CEP170: variants seen among roughly 807,000 people sequenced by gnomAD.
CEP170 encodes centrosomal protein 170, also known as centrosomal protein of 170 kDa.
Under a neutral mutation model 151.9 loss-of-function variants are expected in CEP170, and 21 were observed. The ratio of observed to expected loss-of-function variants is 0.14; its 90% CI spans 0.10 to 0.20. The LOEUF is 0.20. Among genes scored for constraint, CEP170 ranks in the 10% least tolerant of loss-of-function variants. The probability of loss-of-function intolerance (pLI) is 1.00; values close to 1 mark genes in which losing one functional copy is unlikely to be tolerated. For synonymous variants in CEP170, 356 were observed against 648.8 expected, an observed-to-expected ratio of 0.55 and a Z score of 6.86; for missense variants, 964 against 1,892.9, an observed-to-expected ratio of 0.51 and a Z score of 9.11.
intron 14 of CEP170, among the ~76,000 whole-genome samples, chr1:243,146,728 G>A (rs1392755080): frequency 4.6e-5 from 7 of 151,434 alleles, no homozygotes. Context: ...AATTCTCATT[G>A]CTTATACAAT....
At chr1:243,204,792 T>C (rs1171986576) in intron 4 of CEP170, among the ~76,000 whole-genome samples, 2 of 152,142 alleles carry the variant, frequency 1.3e-5, no homozygotes, top group Non-Finnish European at 2.9e-5. Context: ...AATCCCCACA[T>C]TCATATCTTT....
intron 13 of CEP170, among the ~76,000 whole-genome samples, chr1:243,159,977 C>T (rs3015159): frequency 5.9e-5 from 9 of 152,026 alleles, no homozygotes; most frequent in South Asian, 2.1e-4. Context: ...TTAGTAGAGA[C>T]GGAGTTTCAC....
At chr1:243,134,410 A>C (rs993029485) in intron 17 of CEP170, among the ~76,000 whole-genome samples, 21 of 152,306 alleles carry the variant, frequency 1.4e-4, no homozygotes, top group African/African-American at 4.3e-4. Context: ...AAAACAATGG[A>C]TAGGTACGTA....
At chr1:243,226,276 TAAA>T (rs1553395943) in intron 1 of CEP170, among the ~76,000 whole-genome samples, 1 of 149,974 alleles carries the variant, frequency 6.7e-6, no homozygotes, top group Non-Finnish European at 1.5e-5. Flanking sequence ...GTTTACATAT[TAAA>T]ATGAAACTGG....
chr1:243,171,332 A>G (rs915401813), intron 11 of CEP170, among the ~76,000 whole-genome samples: 4 of 152,168 alleles, frequency 2.6e-5, no homozygotes, highest in African/African-American at 4.8e-5. Context: ...CCATATAAAG[A>G]AACAATTTTA....
chr1:243,145,377 T>G (rs1186394840), intron 14 of CEP170, among the ~76,000 whole-genome samples: 20 of 151,832 alleles, frequency 1.3e-4, no homozygotes, highest in African/African-American at 4.9e-4. Flanking sequence ...TGGATTCAAG[T>G]GATTCTCCTG....
chr1:243,156,188 T>C (rs1183011368), intron 14 of CEP170, 33 bp downstream of exon 14: 11 of 1,553,642 alleles, frequency 7.1e-6, no homozygotes, highest in East Asian at 7.1e-5. Flanking sequence ...CATAGAAATT[T>C]TGAATTCTTA....
At chr1:243,155,544 A>G (rs1336428705) in intron 14 of CEP170, among the ~76,000 whole-genome samples, 2 of 152,124 alleles carry the variant, frequency 1.3e-5, no homozygotes, top group African/African-American at 4.8e-5. Context: ...TTAAACAAAA[A>G]ATCCTTATAT....
intron 4 of CEP170, among the ~76,000 whole-genome samples, chr1:243,206,268 G>C (rs915578534): frequency 3.6e-4 from 54 of 152,048 alleles, no homozygotes; most frequent in Non-Finnish European, 1.2e-4. Context: ...GGAGTAGCTG[G>C]GATTACAGGT....
chr1:243,251,648 T>C (rs1235939842), intron 1 of CEP170, among the ~76,000 whole-genome samples: 9 of 152,198 alleles, frequency 5.9e-5, no homozygotes, highest in Admixed American at 5.9e-4. Context: ...ATATTTTCTA[T>C]ATCATTTATT....
chr1:243,126,266 A>G lies in CEP170; in HGVS notation c.*183T>C. ...CTATTTGTGCATCAAGTGGTTATCTAAATAGTTTGAAAGGATTGATATACT... is the reference window on the plus strand; with the variant it reads ...CTATTTGTGCATCAAGTGGTTATCTGAATAGTTTGAAAGGATTGATATACT... On this transcript the variant is annotated 3_prime_UTR_variant, in exon 20 of 20. Coordinates refer to ENST00000366542, the MANE Select transcript of CEP170 (RefSeq NM_014812.3). 1.3e-6 allele frequency: 1 copy of G among 743,168 alleles called. No individual in the cohort carries two copies. The highest frequency in any genetic ancestry group is 1.5e-5 in the South Asian group (1 of 67,214). The allele number at this position is 743,168 out of a possible 1,614,324, so 46.0% of individuals were successfully genotyped here. A position where few individuals can be genotyped will look rare whatever the true frequency, so the allele number is the denominator to read the frequency against.
At chr1:243,169,901 C>T in intron 11 of CEP170, 147 bp from the exon 12 acceptor site, 1 of 929,588 alleles carries the variant, frequency 1.1e-6, no homozygotes. Flanking sequence ...TACATCTTCT[C>T]TTATATAAAA....
intron 15 of CEP170, among the ~76,000 whole-genome samples, chr1:243,141,904 CTT>C (rs1177919081): frequency 6.6e-6 from 1 of 152,132 alleles, no homozygotes; most frequent in African/African-American, 2.4e-5. Context: ...GGATTTTTCT[CTT>C]TGTTATCAGA....
At chr1:243,221,071 CTGGAGTGCAG>C (rs2062760659) in intron 3 of CEP170, among the ~76,000 whole-genome samples, 1 of 152,124 alleles carries the variant, frequency 6.6e-6, no homozygotes, top group Non-Finnish European at 1.5e-5. Context: ...GTCGCCCAGG[CTGGAGTGCAG>C]TGGCGCTGTC....
At chr1:243,196,682 C>T (rs2060671027) in intron 7 of CEP170, among the ~76,000 whole-genome samples, 1 of 152,042 alleles carries the variant, frequency 6.6e-6, no homozygotes, top group Non-Finnish European at 1.5e-5. Context: ...TCTTAATCAC[C>T]TAATTGGTAA....
chr1:243,174,541 A>C (rs1251644770), intron 10 of CEP170, among the ~76,000 whole-genome samples: 1 of 152,236 alleles, frequency 6.6e-6, no homozygotes, highest in Non-Finnish European at 1.5e-5. Context: ...TTTCTCATTC[A>C]CTAAAACTTG....
rs1340148022 is a variant in CEP170, at chr1:243,211,863, T to C, written c.274+23A>G. ...AACATATTTGAATAAATTTAATAAG[T>C]ACATAAAACCATTTAAGGATATCAT... is the stretch of plus-strand genomic sequence containing the variant. On this transcript the variant is annotated intron_variant, in intron 4 of 19. Transcript: ENST00000366542. 1.9e-6 allele frequency: 3 copies of C among 1,598,366 alleles called. No homozygotes were observed. In the East Asian group the frequency reaches 6.7e-5, roughly 36 times the overall value.
intron 1 of CEP170, among the ~76,000 whole-genome samples, chr1:243,233,504 C>T (rs774700062): frequency 2.6e-5 from 4 of 151,792 alleles, no homozygotes; most frequent in Admixed American, 1.3e-4. Flanking sequence ...GAGGCCGAGG[C>T]GGGCAGATCA....
rs1457113489 is a variant in CEP170 at position 243,165,686 on chromosome 1, C to T, written c.2274G>A (p.Gln758=). The T allele has an allele frequency of 1.9e-6, 3 of 1,613,946 alleles. No individual in the cohort carries two copies. The highest frequency in any genetic ancestry group is 2.5e-6 in the Non-Finnish European group (3 of 1,179,914). The change falls in exon 13 of 20, where the codon CAG becomes CAA. Residue 758 remains glutamine, a synonymous_variant. Transcript: ENST00000366542. The stretch of plus-strand genomic sequence containing the variant: ...TGGAAGACAATTTAGTAGGTGTCCA[C>T]TGAGCCTCCTCCCTTTGTTCTTGTT... The part of the protein sequence containing the change: ...LQQQEQREEA[Q]WTPTKLSSKN...
Sources: gnomAD v4.1 joint callset for allele counts (sites outside exome capture counted in the v4.1 genomes callset) on GRCh38, gnomAD v4.1.1 for gene constraint, MANE v1.5 for transcripts, NCBI Gene and HGNC (gene_info 2026-07-23, HGNC 2026-07-21) for gene names.